Variants in SULT1A1 observed in about 807,000 individuals in gnomAD.
SULT1A1 encodes sulfotransferase family 1A member 1, also known as sulfotransferase 1A1.
A neutral mutation model predicts 36.8 loss-of-function variants in SULT1A1; 35 were observed. The ratio of observed to expected loss-of-function variants is 0.95; its 90% CI spans 0.73 to 1.26. The LOEUF (loss-of-function observed/expected upper bound fraction) is 1.26, where lower values mean the gene tolerates loss of function less well. SULT1A1 is among the 50% of genes most tolerant of loss of function. SULT1A1 has a pLI of 0.00. For synonymous variants in SULT1A1, 119 were observed against 146.0 expected (o/e 0.82, Z 1.33); for missense variants, 309 against 383.0 (o/e 0.81, Z 1.61).
At chr16:28,614,576 A>G (rs1324392432), upstream of SULT1A1, 1 of 129,152 alleles carries the variant, frequency 7.7e-6, no homozygotes, top group African/African-American at 2.6e-5. Context: ...ACGTGCCACC[A>G]TGCCCGACTA....
chr16:28,608,410 G>T, intron 3 of SULT1A1, 22 bp from the exon 4 acceptor site: 2 of 1,612,466 alleles, frequency 1.2e-6, no homozygotes, highest in Non-Finnish European at 8.5e-7. Context: ...GTCAGGGAAG[G>T]TCTGGTGAGC....
In SULT1A1 at chr16:28,608,524, G is replaced by T; in HGVS notation, c.228C>A (p.Phe76Leu). ...DLEKCHRAPI[F>L]MRVPFLEFKA... The stretch of plus-strand genomic sequence containing the variant: ...TGAACTCAAGGAAGGGCACCCGCAT[G>T]AAGATGGGAGCTCGGTGACACTTCT... Residue 76 changes from phenylalanine (F) to leucine (L), a missense_variant, in exon 3 of 8, where the codon TTC (phenylalanine) becomes TTA (leucine). By Grantham distance (22) the Phe-to-Leu change is conservative. Around this residue, in one of 3 missense-constraint regions of SULT1A1, gnomAD observed 219 missense variants for 215.3 expected, o/e 1.02. Coordinates refer to ENST00000314752, the MANE Select transcript of SULT1A1 (RefSeq NM_001055.4). 6.2e-7 allele frequency: 1 copy of T among 1,612,530 alleles called. No homozygotes were observed. The highest frequency in any genetic ancestry group is 8.5e-7 in the Non-Finnish European group (1 of 1,178,718).
At chr16:28,607,562 GC>G (rs1379838559) in intron 4 of SULT1A1, 2 of 152,830 alleles carry the variant, frequency 1.3e-5, no homozygotes, top group Non-Finnish European at 2.9e-5. Context: ...GGATTCACAT[GC>G]CCCACACCTG....
chr16:28,610,352 C>T, upstream of SULT1A1: 1 of 608,898 alleles, frequency 1.6e-6, no homozygotes, highest in South Asian at 2.0e-5. Context: ...AGCCAACAGA[C>T]AAGCTCTCTC....
intron 1 of SULT1A1, 65 bp from the exon 2 acceptor site, chr16:28,608,924 T>G: frequency 1.9e-6 from 3 of 1,610,848 alleles, no homozygotes; most frequent in Non-Finnish European, 2.5e-6. Flanking sequence ...AAAGTGGAAT[T>G]CTTGCTTTCA....
rs536046064 is a variant in SULT1A1, at chr16:28,621,604, A to G, written c.68-1471T>C. Among the ~76,000 whole-genome samples, 5 of 152,104 alleles carry G rather than the reference A, an allele frequency of 3.3e-5. No individual in the cohort carries two copies. In the East Asian group the frequency reaches 9.7e-4, roughly 29 times the overall value. On this transcript the variant is annotated intron_variant, in intron 1 of 5. Coordinates refer to the SULT1A1 transcript ENST00000350842. ...TGGTCCCCTACCCCTTCACCGCTGTACAAGACTTCTTTAACAGTTGCTAGG... is the reference window on the plus strand; with the variant it reads ...TGGTCCCCTACCCCTTCACCGCTGTGCAAGACTTCTTTAACAGTTGCTAGG...
intron 6 of SULT1A1, among the ~76,000 whole-genome samples, 168 bp downstream of exon 6, chr16:28,606,593 G>A (rs1164187532): frequency 3.5e-5 from 5 of 142,132 alleles, no homozygotes; most frequent in African/African-American, 1.2e-4. Context: ...TGTGGGGCCC[G>A]CTGCCAGGTG....
At position 28,606,186 on chromosome 16, in the gene SULT1A1, C is replaced by T. The variant is rs41278160; in HGVS notation, c.645G>A (p.Leu215=). 57,129 of 1,568,952 alleles carry T rather than the reference C, an allele frequency of 0.036. 1,477 individuals are homozygous for T. The highest frequency in any genetic ancestry group is 0.1 in the East Asian group (4,300 of 41,566). The part of the protein sequence containing the change: ...QKILEFVGRS[L]PEETVDFVVQ... ...CCACGAAGTCCACGGTCTCCTCTGG[C>T]AGGGAGCGCCCCACAAACTCCAGGA... The change falls in exon 7 of 8, where the codon CTG becomes CTA. Residue 215 remains leucine, a synonymous_variant. Transcript: ENST00000314752.
chr16:28,619,016 A>T (rs138766771), intron 2 of SULT1A1, among the ~76,000 whole-genome samples: 46 of 152,214 alleles, frequency 3.0e-4, no homozygotes, highest in African/African-American at 9.9e-4. Flanking sequence ...ATATTATTTC[A>T]TTTCTTTTTT....
chr16:28,610,388 G>C, upstream of SULT1A1: 1 of 470,982 alleles, frequency 2.1e-6, no homozygotes, highest in Non-Finnish European at 3.5e-6. Context: ...AGAGAGGGGA[G>C]GGATTGGAGG....
At position 28,605,611 on chromosome 16, in the gene SULT1A1, T is replaced by G; in HGVS notation, c.*210A>C. 3.6e-6 allele frequency: 3 copies of G among 838,654 alleles called. No homozygotes were observed. The highest frequency in any genetic ancestry group is 5.5e-6 in the Non-Finnish European group (3 of 545,012). 52.0% of individuals were successfully genotyped at this position (838,654 alleles called of 1,614,324 possible). On this transcript the variant is annotated 3_prime_UTR_variant, in exon 8 of 8. Coordinates refer to ENST00000314752, the MANE Select transcript of SULT1A1 (RefSeq NM_001055.4). ...ATTCTCTTTTTAAAAATTGGTTTTA[T>G]TTTATTTTATTTTTTTAACAGAATC...
intron 2 of SULT1A1, among the ~76,000 whole-genome samples, chr16:28,615,988 C>G (rs2047537848): frequency 6.9e-6 from 1 of 145,308 alleles, no homozygotes; most frequent in South Asian, 2.3e-4. Flanking sequence ...AGGAGTGTGA[C>G]CACTGAAGCA....
chr16:28,619,005 G>T (rs181883995), intron 2 of SULT1A1, among the ~76,000 whole-genome samples: 1 of 152,208 alleles, frequency 6.6e-6, no homozygotes, highest in East Asian at 1.9e-4. Context: ...AAAATTCAGA[G>T]ATATTATTTC....
chr16:28,610,838 T>A (rs2047424676), upstream of SULT1A1: 1 of 152,434 alleles, frequency 6.6e-6, no homozygotes, highest in Non-Finnish European at 1.5e-5. Flanking sequence ...TCCTCCTCGT[T>A]CTTTATCCTC....
intron 1 of SULT1A1, among the ~76,000 whole-genome samples, chr16:28,620,563 C>CAAAAA (rs5816469): frequency 6.6e-5 from 6 of 90,832 alleles, no homozygotes; most frequent in Admixed American, 1.2e-4. Flanking sequence ...GACCCTGTCT[C>CAAAAA]AAAAAAAAAA....
At chr16:28,620,178 T>A in intron 1 of SULT1A1, 1 of 1,576,830 alleles carries the variant, frequency 6.3e-7, no homozygotes, top group Non-Finnish European at 8.7e-7. Context: ...TTCAGTAGAG[T>A]ACTGTATAAC....
At chr16:28,609,591 T>A (rs550168794) in intron 1 of SULT1A1, 4 of 421,272 alleles carry the variant, frequency 9.5e-6, no homozygotes, top group South Asian at 2.1e-5. Flanking sequence ...TAAAAATCTT[T>A]AAAAAAATTC....
intron 1 of SULT1A1, among the ~76,000 whole-genome samples, chr16:28,622,946 C>A (rs1002283864): frequency 4.6e-5 from 7 of 152,186 alleles, no homozygotes; most frequent in Non-Finnish European, 8.8e-5. Flanking sequence ...AATCAAACAC[C>A]CCAGCCTCCA....
In SULT1A1 at chr16:28,622,183, C is replaced by G. The variant is rs2047669678; in HGVS notation, c.67+948G>C. ...TTTCTCCATCACCCCATAAAACCCT[C>G]CTGTCTCTTTCTCTGGGGGACACAC... is the stretch of plus-strand genomic sequence containing the variant. On this transcript the variant is annotated intron_variant, in intron 1 of 5. Coordinates refer to the SULT1A1 transcript ENST00000350842. 2.0e-5 allele frequency among the ~76,000 whole-genome samples: 3 copies of G among 152,170 alleles called. No homozygotes were observed. In the South Asian group the frequency reaches 6.2e-4, roughly 32 times the overall value.
Sources: gnomAD v4.1 joint callset for allele counts (sites outside exome capture counted in the v4.1 genomes callset) on GRCh38, gnomAD v4.1.1 for gene constraint, gnomAD v4.1.1 regional missense constraint, MANE v1.5 for transcripts, NCBI Gene and HGNC (gene_info 2026-07-23, HGNC 2026-07-21) for gene names.